Variants in PTPRT observed in about 807,000 individuals in gnomAD.
PTPRT encodes the protein protein tyrosine phosphatase receptor type T.
PTPRT carries 56 observed loss-of-function variants against 176.8 expected under a neutral mutation model. The observed-to-expected ratio is 0.32, with a 90% CI of 0.26 to 0.40. The LOEUF (loss-of-function observed/expected upper bound fraction) is 0.40, where lower values mean the gene tolerates loss of function less well. Ranked by LOEUF, PTPRT falls within the 10% of genes least tolerant of loss-of-function variation. The pLI is 1.00. For synonymous variants in PTPRT, 783 were observed against 739.0 expected (o/e 1.06, Z -0.96); for missense variants, 1,540 against 1,908.2 (o/e 0.81, Z 3.60).
At chr20:42,492,788 T>C (rs2071583860) in intron 7 of PTPRT, among the ~76,000 whole-genome samples, 1 of 152,208 alleles carries the variant, frequency 6.6e-6, no homozygotes, top group South Asian at 2.1e-4. Context: ...TTAATTGGGC[T>C]GCTTTTATGG....
At chr20:42,634,035 T>TA (rs1176402847) in intron 7 of PTPRT, among the ~76,000 whole-genome samples, 1 of 28,318 alleles carries the variant, frequency 3.5e-5, no homozygotes, top group African/African-American at 2.0e-4. Flanking sequence ...ATATATATTA[T>TA]ATATATTATA....
rs2079201773 is a variant in PTPRT, at chr20:42,892,015, T to C, written c.89-6083A>G. ...GTGTGGCTGTGTTCCAATAAAACTT[T>C]ATTTGCAAGAGGTGACAGCCTAGAT... On this transcript the variant is annotated intron_variant, in intron 1 of 30. Coordinates refer to ENST00000373187, the MANE Select transcript of PTPRT (RefSeq NM_007050.6). Among the ~76,000 whole-genome samples the C allele has an allele frequency of 2.6e-5, 4 of 152,348 alleles. No homozygotes were observed. In the East Asian group the frequency reaches 7.7e-4, roughly 29 times the overall value.
At chr20:42,517,160 C>G (rs1432904146) in intron 7 of PTPRT, among the ~76,000 whole-genome samples, 1 of 151,832 alleles carries the variant, frequency 6.6e-6, no homozygotes, top group East Asian at 1.9e-4. Flanking sequence ...ATCATTTGTA[C>G]CTGATGTTTT....
At chr20:42,586,226 C>T (rs1189144834) in intron 7 of PTPRT, among the ~76,000 whole-genome samples, 1 of 152,094 alleles carries the variant, frequency 6.6e-6, no homozygotes, top group East Asian at 1.9e-4. Context: ...ATGCACAATA[C>T]TTTTTGGAAA....
At chr20:42,629,700 T>C (rs1174524090) in intron 7 of PTPRT, among the ~76,000 whole-genome samples, 1 of 152,146 alleles carries the variant, frequency 6.6e-6, no homozygotes, top group Non-Finnish European at 1.5e-5. Flanking sequence ...AAGCAGCTTA[T>C]GAAGGAAGCA....
At chr20:42,522,909 T>C (rs764989113) in intron 7 of PTPRT, among the ~76,000 whole-genome samples, 1 of 152,198 alleles carries the variant, frequency 6.6e-6, no homozygotes, top group Non-Finnish European at 1.5e-5. Flanking sequence ...TTTTCTCCTG[T>C]ATATGGTATG....
chr20:42,190,681 C>CT (rs1990969747), intron 16 of PTPRT, among the ~76,000 whole-genome samples: 1 of 152,170 alleles, frequency 6.6e-6, no homozygotes, highest in South Asian at 2.1e-4. Flanking sequence ...TGAGAATTTG[C>CT]TTGTAACAAG....
intron 2 of PTPRT, among the ~76,000 whole-genome samples, chr20:42,816,082 G>T (rs1019759461): frequency 1.3e-5 from 2 of 152,190 alleles, no homozygotes; most frequent in Admixed American, 6.5e-5. Flanking sequence ...GCTGAAGCCA[G>T]TAATACTAAC....
chr20:43,149,552 T>C (rs1268444792), intron 1 of PTPRT, among the ~76,000 whole-genome samples: 2 of 152,250 alleles, frequency 1.3e-5, no homozygotes, highest in African/African-American at 4.8e-5. Context: ...AAAACTGGGC[T>C]GTGTCCCTTA....
At chr20:42,507,528 G>C (rs1299334798) in intron 7 of PTPRT, among the ~76,000 whole-genome samples, 1 of 152,114 alleles carries the variant, frequency 6.6e-6, no homozygotes, top group Non-Finnish European at 1.5e-5. Context: ...TAGCATCTCT[G>C]AGCCCCAGTC....
At chr20:42,705,823 G>A (rs1188731453) in intron 6 of PTPRT, among the ~76,000 whole-genome samples, 1 of 152,080 alleles carries the variant, frequency 6.6e-6, no homozygotes, top group East Asian at 1.9e-4. Flanking sequence ...ATGAAATCAG[G>A]GAATAACTGT....
intron 1 of PTPRT, among the ~76,000 whole-genome samples, chr20:43,003,264 T>A (rs1984682861): frequency 6.6e-6 from 1 of 152,350 alleles, no homozygotes; most frequent in East Asian, 1.9e-4. Context: ...CATAGCTCAC[T>A]GCAGGTCTAC....
At chr20:42,641,432 G>A (rs148877896) in intron 7 of PTPRT, among the ~76,000 whole-genome samples, 1 of 152,174 alleles carries the variant, frequency 6.6e-6, no homozygotes, top group East Asian at 1.9e-4. Context: ...CTTTGATGGG[G>A]GCTTTATACA....
At chr20:42,563,827 A>G (rs957668919) in intron 7 of PTPRT, among the ~76,000 whole-genome samples, 12 of 152,214 alleles carry the variant, frequency 7.9e-5, no homozygotes, top group Admixed American at 1.3e-4. Context: ...AAGGTGTTCT[A>G]TTCAGGGTAA....
At chr20:42,977,171 G>A (rs1368611165) in intron 1 of PTPRT, among the ~76,000 whole-genome samples, 1 of 152,198 alleles carries the variant, frequency 6.6e-6, no homozygotes, top group Non-Finnish European at 1.5e-5. Flanking sequence ...GATGAAAGGA[G>A]AGAATGGAGG....
At chr20:42,405,196 CT>C (rs572557403) in intron 9 of PTPRT, among the ~76,000 whole-genome samples, 25 of 144,644 alleles carry the variant, frequency 1.7e-4, no homozygotes, top group East Asian at 1.0e-3. Context: ...TTTTTTTTTT[CT>C]TTTTTTTTAT....
intron 8 of PTPRT, among the ~76,000 whole-genome samples, chr20:42,449,676 G>C (rs1025850432): frequency 6.6e-6 from 1 of 152,262 alleles, no homozygotes; most frequent in African/African-American, 2.4e-5. Context: ...CTAAACACCT[G>C]TCTGTGAGTT....
Position 42,491,404 on chromosome 20 carries a change from ATTGT to A in PTPRT, c.1154-18846_1154-18843del, listed in dbSNP as rs934994795. ...AAAGTGACATTTTTAAAAGTTATGA[ATTGT>A]TTATTTCTGGAATTTTCCATGTACT... On this transcript the variant is annotated intron_variant, in intron 7 of 30. Coordinates refer to ENST00000373187, the MANE Select transcript of PTPRT (RefSeq NM_007050.6). Among the ~76,000 whole-genome samples the A allele has an allele frequency of 1.1e-4, 17 of 152,240 alleles. No individual in the cohort carries two copies. In the East Asian group the frequency reaches 1.4e-3, roughly 12 times the overall value.
At chr20:42,032,293 A>T in the PTPRT span, among the ~76,000 whole-genome samples, 1 of 152,198 alleles carries the variant, frequency 6.6e-6, no homozygotes, top group African/African-American at 2.4e-5. Flanking sequence ...ATCCCAAAAC[A>T]TACATGGTCT....
Sources: gnomAD v4.1 joint callset for allele counts (sites outside exome capture counted in the v4.1 genomes callset) on GRCh38, gnomAD v4.1.1 for gene constraint, MANE v1.5 for transcripts, NCBI Gene and HGNC (gene_info 2026-07-23, HGNC 2026-07-21) for gene names.